Variants in PRDM16 observed in about 807,000 individuals in gnomAD.
PRDM16 encodes the protein PR/SET domain 16, also known as histone-lysine N-methyltransferase PRDM16.
Under a neutral mutation model 110.6 loss-of-function variants are expected in PRDM16, and 23 were observed. That is an observed-to-expected ratio of 0.21 (90% CI 0.15 to 0.29). The LOEUF (loss-of-function observed/expected upper bound fraction) is 0.29. Ranked by LOEUF, PRDM16 falls within the 10% of genes least tolerant of loss-of-function variation. PRDM16 has a pLI of 1.00. For synonymous variants in PRDM16, 799 were observed against 781.8 expected (o/e 1.02, Z -0.37); for missense variants, 1,615 against 1,794.3 (o/e 0.90, Z 1.81).
At chr1:3,346,401 C>T (rs957860435) in intron 3 of PRDM16, among the ~76,000 whole-genome samples, 2 of 152,118 alleles carry the variant, frequency 1.3e-5, no homozygotes, top group African/African-American at 2.4e-5. Context: ...GGGCAGAACA[C>T]GGGGGCCTGC....
At chr1:3,112,370 C>T (rs1642815431) in intron 1 of PRDM16, among the ~76,000 whole-genome samples, 1 of 152,248 alleles carries the variant, frequency 6.6e-6, no homozygotes, top group Non-Finnish European at 1.5e-5. Context: ...ACCGGCCTCT[C>T]AGCCTCTCTT....
rs757938876 is a variant in PRDM16 at position 3,350,497 on chromosome 1, G to A, written c.439-34655G>A. On this transcript the variant is annotated intron_variant, in intron 3 of 16. Transcript: ENST00000270722. This position sits in a 1 kb window ranked among gnomAD's most constrained non-coding sequence, Gnocchi z 7.1. ...GGTGACACTTGGATCCAGACATAAT[G>A]TGTGTTAAGATCAAGGGCCCCGGGC... is the stretch of plus-strand genomic sequence containing the variant. Among the ~76,000 whole-genome samples the A allele has an allele frequency of 6.6e-6, 1 of 152,150 alleles. No homozygotes were observed. Among genetic ancestry groups the A allele is most frequent in the Non-Finnish European group, 1.5e-5 (1 of 68,020 alleles).
chr1:3,339,371 A>C lies in PRDM16; in HGVS notation c.439-45781A>C, dbSNP rs922534942. 6.6e-6 allele frequency among the ~76,000 whole-genome samples: 1 copy of C among 152,024 alleles called. No homozygotes were observed. Among genetic ancestry groups the C allele is most frequent in the Admixed American group, 6.5e-5 (1 of 15,280 alleles). On this transcript the variant is annotated intron_variant, in intron 3 of 16. Coordinates refer to ENST00000270722, the MANE Select transcript of PRDM16 (RefSeq NM_022114.4). This position sits in a 1 kb window ranked among gnomAD's most constrained non-coding sequence, Gnocchi z 5.0. ...CATCCGTGCCCGGAAGCAGGAACAG[A>C]GGGATGGGTGGATGAGTGGCAACCA...
rs748751012 is a variant in PRDM16 at position 3,385,100 on chromosome 1, GACTCCA to G, written c.439-51_439-46del. ...TCTGGGTGGGCAGAGGCTGTGTGCA[GACTCCA>G]GCACACAGGGCACCTCTGACTCCCG... On this transcript the variant is annotated intron_variant, in intron 3 of 16. Transcript: ENST00000270722. 7.6e-4 allele frequency: 1,222 copies of G among 1,608,640 alleles called. 1 individual carries two copies. The highest frequency in any genetic ancestry group is 9.6e-4 in the Non-Finnish European group (1,126 of 1,177,476).
chr1:3,331,478 A>G (rs920719992), intron 3 of PRDM16, among the ~76,000 whole-genome samples: 61 of 152,242 alleles, frequency 4.0e-4, no homozygotes, highest in Non-Finnish European at 1.9e-4. Flanking sequence ...GAATGAACAG[A>G]TGAGCGAATA....
In PRDM16 at chr1:3,435,251, C is replaced by A; in HGVS notation, c.*1440C>A. 4.5e-6 allele frequency: 1 copy of A among 221,716 alleles called. No homozygotes were observed. 13.7% of individuals were successfully genotyped at this position (221,716 alleles called of 1,614,324 possible). On this transcript the variant is annotated 3_prime_UTR_variant, in exon 17 of 17. Transcript: ENST00000270722. ...ACTTGTAATTTTTTCTAATTCATTTCTTTTCTTATTTTATTTCCTCCTTAA... is the reference window on the plus strand; with the variant it reads ...ACTTGTAATTTTTTCTAATTCATTTATTTTCTTATTTTATTTCCTCCTTAA...
chr1:3,363,216 G>A (rs899228825), intron 3 of PRDM16, among the ~76,000 whole-genome samples: 4 of 152,274 alleles, frequency 2.6e-5, no homozygotes, highest in Non-Finnish European at 5.9e-5. Context: ...CGGGGCCCGC[G>A]ACAGTGTGAG....
intron 3 of PRDM16, among the ~76,000 whole-genome samples, chr1:3,363,161 G>C (rs79114223): frequency 2.6e-5 from 4 of 152,136 alleles, no homozygotes; most frequent in African/African-American, 9.7e-5. Flanking sequence ...CCTCCAGCCC[G>C]GGGGTCGGGT....
At chr1:3,235,976 C>G (rs936395046) in intron 2 of PRDM16, among the ~76,000 whole-genome samples, 2 of 152,132 alleles carry the variant, frequency 1.3e-5, no homozygotes, top group African/African-American at 4.8e-5. Flanking sequence ...TGGAATGGCC[C>G]AAGCATTCTG....
intron 1 of PRDM16, among the ~76,000 whole-genome samples, chr1:3,168,539 C>T (rs1027084523): frequency 2.0e-5 from 3 of 150,960 alleles, no homozygotes; most frequent in Admixed American, 6.6e-5. Flanking sequence ...ATGAGAAGTC[C>T]GGAGAAAGAA....
intron 3 of PRDM16, among the ~76,000 whole-genome samples, chr1:3,360,173 C>T (rs1478651340): frequency 1.3e-5 from 2 of 152,226 alleles, no homozygotes; most frequent in East Asian, 1.9e-4. Context: ...TGATCGGGAA[C>T]GGGAGGCCCA....
chr1:3,389,563 G>A (rs57127283), intron 4 of PRDM16, among the ~76,000 whole-genome samples: 6 of 152,208 alleles, frequency 3.9e-5, no homozygotes, highest in Non-Finnish European at 8.8e-5. Flanking sequence ...TGGGAGAGCC[G>A]AGCAGAGCCA....
chr1:3,428,884 C>T (rs769293628), intron 14 of PRDM16, among the ~76,000 whole-genome samples: 2 of 152,214 alleles, frequency 1.3e-5, no homozygotes, highest in Non-Finnish European at 2.9e-5. Flanking sequence ...GCGGCACTGA[C>T]GGCCTCTTAA....
chr1:3,326,056 C>T (rs1175192135), intron 3 of PRDM16, among the ~76,000 whole-genome samples: 3 of 57,822 alleles, frequency 5.2e-5, no homozygotes, highest in African/African-American at 2.2e-4. Flanking sequence ...GCCCTCTTGG[C>T]CCCCCTTGGC....
Position 3,244,006 on chromosome 1 carries a change from C to A in PRDM16, c.388-81C>A. 7.0e-7 allele frequency: 1 copy of A among 1,437,258 alleles called. No individual in the cohort carries two copies. The highest frequency in any genetic ancestry group is 9.8e-7 in the Non-Finnish European group (1 of 1,019,676). 89.0% of individuals were successfully genotyped at this position (1,437,258 alleles called of 1,614,324 possible). ...CCTGTGACTTTTGGGGACAGTGGTT[C>A]TGCCCCCACCATTTAGAACCCAGTG... On this transcript the variant is annotated intron_variant, in intron 2 of 16. Coordinates refer to ENST00000270722, the MANE Select transcript of PRDM16 (RefSeq NM_022114.4). This position sits in a 1 kb window ranked among gnomAD's most constrained non-coding sequence, Gnocchi z 4.1.
At position 3,206,945 on chromosome 1, in the gene PRDM16, G is replaced by C. The variant is rs528839957; in HGVS notation, c.387+20471G>C. On this transcript the variant is annotated intron_variant, in intron 2 of 16. Coordinates refer to ENST00000270722, the MANE Select transcript of PRDM16 (RefSeq NM_022114.4). This position sits in a 1 kb window ranked among gnomAD's most constrained non-coding sequence, Gnocchi z 4.9. Reference sequence around the variant, plus strand: ...CAGGGCGGGCAGACGGCGACCCAGGGGACCTGTCCGAGAGGTGACATAGAG... The same window carrying C: ...CAGGGCGGGCAGACGGCGACCCAGGCGACCTGTCCGAGAGGTGACATAGAG... 3.9e-5 allele frequency: 6 copies of C among 152,574 alleles called. No homozygotes were observed. The highest frequency in any genetic ancestry group is 1.4e-4 in the African/African-American group (6 of 41,580). 9.5% of individuals were successfully genotyped at this position (152,574 alleles called of 1,614,324 possible).
At chr1:3,323,935 G>A (rs990033179) in intron 3 of PRDM16, among the ~76,000 whole-genome samples, 4 of 152,178 alleles carry the variant, frequency 2.6e-5, no homozygotes, top group Non-Finnish European at 4.4e-5. Context: ...GGCAGCGGAC[G>A]GGGCTGGTGA....
chr1:3,263,106 C>T (rs1427233662), intron 3 of PRDM16, among the ~76,000 whole-genome samples: 1 of 152,150 alleles, frequency 6.6e-6, no homozygotes, highest in Non-Finnish European at 1.5e-5. Context: ...GCTCCACAGA[C>T]CCTGCAGCCT....
At chr1:3,269,245 A>G (rs1640371106) in intron 3 of PRDM16, among the ~76,000 whole-genome samples, 1 of 152,192 alleles carries the variant, frequency 6.6e-6, no homozygotes, top group Admixed American at 6.5e-5. Flanking sequence ...GGACGGCCCC[A>G]GAGGAACACA....
Sources: gnomAD v4.1 joint callset for allele counts (sites outside exome capture counted in the v4.1 genomes callset) on GRCh38, gnomAD v4.1.1 for gene constraint, Gnocchi (gnomAD v3.1) non-coding constraint, MANE v1.5 for transcripts, NCBI Gene and HGNC (gene_info 2026-07-23, HGNC 2026-07-21) for gene names.